Variants in KLHL29 observed in about 807,000 individuals in gnomAD.
KLHL29 encodes kelch like family member 29.
In KLHL29, 21 loss-of-function variants were observed where a neutral mutation model predicts 80.4. That is an observed-to-expected ratio of 0.26 (90% CI 0.19 to 0.38). The LOEUF is 0.38. Among genes scored for constraint, KLHL29 ranks in the 10% least tolerant of loss-of-function variants. The probability of loss-of-function intolerance (pLI) is 1.00; values close to 1 mark genes in which losing one functional copy is unlikely to be tolerated. For synonymous variants in KLHL29, 511 were observed against 526.8 expected, an observed-to-expected ratio of 0.97 and a Z score of 0.41; for missense variants, 867 against 1,223.9, an observed-to-expected ratio of 0.71 and a Z score of 4.35.
At chr2:23,670,929 T>G (rs1207147825) in intron 5 of KLHL29, among the ~76,000 whole-genome samples, 97 of 6,320 alleles carry the variant, frequency 0.015, 4 homozygotes, top group Non-Finnish European at 0.023. Flanking sequence ...TCTCTCTCTC[T>G]CTCTCTCTCT....
intron 1 of KLHL29, among the ~76,000 whole-genome samples, chr2:23,421,890 T>C (rs913700001): frequency 6.6e-6 from 1 of 152,084 alleles, no homozygotes; most frequent in Non-Finnish European, 1.5e-5. Context: ...TGTGTATCTG[T>C]GTGTCTGTGT....
intron 3 of KLHL29, among the ~76,000 whole-genome samples, chr2:23,612,019 A>G (rs950165364): frequency 1.3e-5 from 2 of 152,204 alleles, no homozygotes; most frequent in Non-Finnish European, 2.9e-5. Context: ...AATGTCTAAC[A>G]CACGTATAAT....
chr2:23,601,257 G>A (rs770142543), intron 3 of KLHL29, among the ~76,000 whole-genome samples: 5 of 152,162 alleles, frequency 3.3e-5, no homozygotes, highest in Non-Finnish European at 5.9e-5. Context: ...CCGGCAAGTC[G>A]GGGTACAAGA....
At chr2:23,541,169 A>G (rs1033464880) in intron 2 of KLHL29, among the ~76,000 whole-genome samples, 3 of 152,256 alleles carry the variant, frequency 2.0e-5, no homozygotes, top group African/African-American at 4.8e-5. Flanking sequence ...CTTGACAGGA[A>G]TCTGGATGCC....
chr2:23,521,997 T>C (rs1436090472), intron 2 of KLHL29, among the ~76,000 whole-genome samples: 1 of 152,222 alleles, frequency 6.6e-6, no homozygotes, highest in Admixed American at 6.5e-5. Flanking sequence ...AAACTTGCCA[T>C]GGTCATTGTT....
chr2:23,441,024 G>A (rs1274639601), intron 1 of KLHL29, among the ~76,000 whole-genome samples: 1 of 152,116 alleles, frequency 6.6e-6, no homozygotes, highest in Non-Finnish European at 1.5e-5. Flanking sequence ...AAAGACACAT[G>A]CACACGTATG....
At chr2:23,424,321 T>A (rs1205675473) in intron 1 of KLHL29, among the ~76,000 whole-genome samples, 1 of 152,210 alleles carries the variant, frequency 6.6e-6, no homozygotes, top group Non-Finnish European at 1.5e-5. Flanking sequence ...TGCGTGTGCA[T>A]GTTTCCTGTG....
intron 5 of KLHL29, among the ~76,000 whole-genome samples, chr2:23,683,555 T>C (rs1671151292): frequency 6.6e-6 from 1 of 152,142 alleles, no homozygotes; most frequent in Admixed American, 6.5e-5. Flanking sequence ...GCTTCTGACA[T>C]CCCCAGGTCT....
At chr2:23,412,744 A>G (rs778005755) in intron 1 of KLHL29, among the ~76,000 whole-genome samples, 1 of 152,164 alleles carries the variant, frequency 6.6e-6, no homozygotes. Flanking sequence ...CCTCTGACAG[A>G]CTGGGTGTAG....
intron 2 of KLHL29, among the ~76,000 whole-genome samples, chr2:23,483,709 A>AAT (rs1664857802): frequency 6.6e-6 from 1 of 152,176 alleles, no homozygotes; most frequent in Admixed American, 6.5e-5. Context: ...GTAGACAAAA[A>AAT]GGGGTTCTTG....
chr2:23,698,400 C>A (rs182665967), intron 11 of KLHL29, among the ~76,000 whole-genome samples: 1 of 152,136 alleles, frequency 6.6e-6, no homozygotes, highest in Non-Finnish European at 1.5e-5. Flanking sequence ...AGCTAGACCC[C>A]CTTCGGGTAG....
chr2:23,485,179 G>A (rs954646669), intron 2 of KLHL29, among the ~76,000 whole-genome samples: 8 of 152,138 alleles, frequency 5.3e-5, no homozygotes, highest in East Asian at 1.9e-4. Context: ...CAGTTCCCAC[G>A]GCCTCTGGCT....
chr2:23,437,286 G>C (rs572589132), intron 1 of KLHL29, among the ~76,000 whole-genome samples: 6 of 152,340 alleles, frequency 3.9e-5, no homozygotes, highest in African/African-American at 1.4e-4. Flanking sequence ...ATTGAGATTG[G>C]TTTCTTGATC....
At chr2:23,628,452 T>G (rs953863230) in intron 3 of KLHL29, among the ~76,000 whole-genome samples, 1 of 152,058 alleles carries the variant, frequency 6.6e-6, no homozygotes, top group Non-Finnish European at 1.5e-5. Flanking sequence ...CCTGGGGTCG[T>G]TGGGAGTCAT....
At chr2:23,501,895 C>T (rs988547936) in intron 2 of KLHL29, among the ~76,000 whole-genome samples, 2 of 152,156 alleles carry the variant, frequency 1.3e-5, no homozygotes, top group African/African-American at 2.4e-5. Flanking sequence ...TCCCAGGCAT[C>T]CCCCTGCCTC....
chr2:23,671,030 A>C lies in KLHL29; in HGVS notation c.941-13369A>C, dbSNP rs1572483236. ...CCCCCACCTCCTCCCTTCCCTCCTA[A>C]CCTCACATCCTCCCAGCTGTGACTC... On this transcript the variant is annotated intron_variant, in intron 5 of 13. Transcript: ENST00000486442. Among the ~76,000 whole-genome samples, 3 of 65,532 alleles carry C rather than the reference A, an allele frequency of 4.6e-5. 1 individual carries two copies. Among genetic ancestry groups the C allele is most frequent in the Non-Finnish European group, 1.0e-4 (3 of 28,824 alleles). The allele number at this position is 65,532 out of a possible 152,430, so 43.0% of individuals were successfully genotyped here. A position where few individuals can be genotyped will look rare whatever the true frequency, so the allele number is the denominator to read the frequency against.
At chr2:23,610,768 C>G (rs182073707) in intron 3 of KLHL29, among the ~76,000 whole-genome samples, 21 of 152,364 alleles carry the variant, frequency 1.4e-4, no homozygotes, top group Non-Finnish European at 2.5e-4. Flanking sequence ...GGGCCCAGAT[C>G]ACCTTCCATT....
intron 1 of KLHL29, among the ~76,000 whole-genome samples, chr2:23,441,335 G>A (rs868291629): frequency 8.5e-5 from 10 of 117,470 alleles, no homozygotes; most frequent in South Asian, 3.4e-4. Flanking sequence ...GTGGCGGGGT[G>A]GGGGGAGGGG....
intron 1 of KLHL29, among the ~76,000 whole-genome samples, chr2:23,453,287 A>C (rs112964317): frequency 6.6e-6 from 1 of 152,144 alleles, no homozygotes; most frequent in Non-Finnish European, 1.5e-5. Flanking sequence ...ACGTCACAGG[A>C]GCTGTGTCTT....
Sources: allele counts gnomAD v4.1 joint callset (sites outside exome capture counted in the v4.1 genomes callset), GRCh38; gene constraint gnomAD v4.1.1; transcripts MANE v1.5; gene names NCBI Gene and HGNC (gene_info 2026-07-23, HGNC 2026-07-21).